Variants in MATN2 observed in about 807,000 individuals in gnomAD.
MATN2 encodes matrilin 2, also known as matrilin-2.
A neutral mutation model predicts 103.2 loss-of-function variants in MATN2; 69 were observed. That is an observed-to-expected ratio of 0.67 (90% CI 0.55 to 0.82). The LOEUF (loss-of-function observed/expected upper bound fraction) is 0.82. Among genes scored for constraint, MATN2 ranks in the 40% least tolerant of loss-of-function variants. MATN2 has a pLI of 0.00. For synonymous variants in MATN2, 429 were observed against 450.2 expected (o/e 0.95, Z 0.60); for missense variants, 1,023 against 1,211.5 (o/e 0.84, Z 2.31).
chr8:97,990,422 G>T (rs2130345100), intron 6 of MATN2, among the ~76,000 whole-genome samples: 1 of 152,272 alleles, frequency 6.6e-6, no homozygotes, highest in East Asian at 1.9e-4. Flanking sequence ...TAAATTGCTG[G>T]TGGGAATGTT....
intron 6 of MATN2, among the ~76,000 whole-genome samples, chr8:97,992,958 T>TAATAATAATAATAAC (rs1199866765): frequency 4.5e-4 from 66 of 146,030 alleles, no homozygotes; most frequent in African/African-American, 1.6e-3. Flanking sequence ...ATAATAATAA[T>TAATAATAATAATAAC]AACAACAATA....
intron 12 of MATN2, among the ~76,000 whole-genome samples, chr8:98,018,557 C>T (rs372266278): frequency 3.9e-5 from 6 of 152,238 alleles, no homozygotes; most frequent in East Asian, 1.9e-4. Context: ...AAGACATACC[C>T]GAGACTGGGC....
At chr8:98,003,290 A>AACTCCTC (rs1469119732) in intron 7 of MATN2, among the ~76,000 whole-genome samples, 1 of 151,924 alleles carries the variant, frequency 6.6e-6, no homozygotes, top group African/African-American at 2.4e-5. Flanking sequence ...TTACCTATGG[A>AACTCCTC]ACTCCTCCTC....
At chr8:97,892,947 G>A (rs1369850063) in intron 2 of MATN2, among the ~76,000 whole-genome samples, 2 of 152,202 alleles carry the variant, frequency 1.3e-5, no homozygotes, top group African/African-American at 4.8e-5. Flanking sequence ...GAGTGTGGCA[G>A]TGGGGCTCCG....
chr8:97,906,017 T>C (rs1819158143), intron 2 of MATN2, among the ~76,000 whole-genome samples: 1 of 152,212 alleles, frequency 6.6e-6, no homozygotes, highest in Admixed American at 6.5e-5. Flanking sequence ...AGTATCTTCT[T>C]GAGTTCCTGC....
intron 1 of MATN2, among the ~76,000 whole-genome samples, chr8:97,885,398 G>A (rs1301278149): frequency 1.3e-5 from 2 of 151,716 alleles, no homozygotes; most frequent in African/African-American, 4.8e-5. Flanking sequence ...GAGGATCACT[G>A]GAGTTCAGGA....
Position 97,931,639 on chromosome 8 carries a change from A to G in MATN2, c.712+117A>G, listed in dbSNP as rs528606038. ...GTACTGTGCTGGCAATAGGTTTTCAACAAAGGCCAAGATAAACACAACGTG... is the reference window on the plus strand; with the variant it reads ...GTACTGTGCTGGCAATAGGTTTTCAGCAAAGGCCAAGATAAACACAACGTG... On this transcript the variant is annotated intron_variant, in intron 3 of 18. Transcript: ENST00000254898. This position sits in a 1 kb window ranked among gnomAD's most constrained non-coding sequence, Gnocchi z 4.1. 1.2e-4 allele frequency: 120 copies of G among 980,750 alleles called. No homozygotes were observed. The South Asian group carries it at 2.0e-3, about 16-fold the overall frequency. The allele number at this position is 980,750 out of a possible 1,614,324, so 60.8% of individuals were successfully genotyped here. A position where few individuals can be genotyped will look rare whatever the true frequency, so the allele number is the denominator to read the frequency against.
At position 97,982,950 on chromosome 8, in the gene MATN2, C is replaced by A. The variant is rs1405660230; in HGVS notation, c.1081+3942C>A. On this transcript the variant is annotated intron_variant, in intron 6 of 18. Transcript: ENST00000254898. This position sits in a 1 kb window ranked among gnomAD's most constrained non-coding sequence, Gnocchi z 4.3. Reference sequence around the variant, plus strand: ...CCAGACCACACCCCCTGGCTGGGGTCACCTGATTTCCACCCAGCTGTAACT... The same window carrying A: ...CCAGACCACACCCCCTGGCTGGGGTAACCTGATTTCCACCCAGCTGTAACT... 6.6e-6 allele frequency among the ~76,000 whole-genome samples: 1 copy of A among 152,190 alleles called. No individual in the cohort carries two copies. Among genetic ancestry groups the A allele is most frequent in the Non-Finnish European group, 1.5e-5 (1 of 68,040 alleles).
At chr8:97,928,567 C>G (rs959829341) in intron 2 of MATN2, among the ~76,000 whole-genome samples, 3 of 152,116 alleles carry the variant, frequency 2.0e-5, no homozygotes, top group Non-Finnish European at 4.4e-5. Flanking sequence ...GTGGCTCAGC[C>G]CCTGGGGCTC....
intron 12 of MATN2, 162 bp from the exon 13 acceptor site, chr8:98,021,043 C>T (rs1305798987): frequency 1.5e-5 from 9 of 592,614 alleles, no homozygotes; most frequent in Non-Finnish European, 2.6e-5. Flanking sequence ...GAGCTTTTTC[C>T]CCATCCTGAG....
chr8:97,931,861 C>T lies in MATN2; in HGVS notation c.712+339C>T, dbSNP rs559330541. On this transcript the variant is annotated intron_variant, in intron 3 of 18. Coordinates refer to ENST00000254898, the MANE Select transcript of MATN2 (RefSeq NM_002380.5). The surrounding 1 kb of genome is among the most constrained non-coding windows in gnomAD (Gnocchi z 4.1). ...GGGACTACAGGTGTGCACCACCATG[C>T]CTGGCTTATTTTTTAACTATTTGTA... 1.2e-4 allele frequency among the ~76,000 whole-genome samples: 18 copies of T among 152,234 alleles called. No homozygotes were observed. The South Asian group carries it at 3.7e-3, about 32-fold the overall frequency.
chr8:97,999,261 C>T (rs1324991996), intron 7 of MATN2, among the ~76,000 whole-genome samples: 1 of 152,124 alleles, frequency 6.6e-6, no homozygotes, highest in African/African-American at 2.4e-5. Flanking sequence ...GGGTTGCTTC[C>T]ACCTTTTGAC....
At chr8:97,962,898 G>A (rs1811359315) in intron 5 of MATN2, among the ~76,000 whole-genome samples, 1 of 152,166 alleles carries the variant, frequency 6.6e-6, no homozygotes, top group African/African-American at 2.4e-5. Flanking sequence ...ACTATGGGAG[G>A]CTGAGGCGGG....
intron 2 of MATN2, among the ~76,000 whole-genome samples, chr8:97,898,786 A>C (rs1236034499): frequency 6.6e-6 from 1 of 152,062 alleles, no homozygotes; most frequent in Admixed American, 6.6e-5. Flanking sequence ...AAACTCTTTT[A>C]TCACCCAGGC....
chr8:97,985,888 A>G (rs899602377), intron 6 of MATN2, among the ~76,000 whole-genome samples: 1 of 152,110 alleles, frequency 6.6e-6, no homozygotes, highest in Non-Finnish European at 1.5e-5. Flanking sequence ...GTTTATGCCA[A>G]TTTGGAACAT....
intron 10 of MATN2, among the ~76,000 whole-genome samples, chr8:98,016,181 G>A (rs1813351204): frequency 6.6e-6 from 1 of 152,076 alleles, no homozygotes; most frequent in African/African-American, 2.4e-5. Context: ...AGGAATTCGA[G>A]ACCAGCCTGG....
intron 2 of MATN2, among the ~76,000 whole-genome samples, chr8:97,917,663 T>C (rs931162016): frequency 6.6e-6 from 1 of 152,218 alleles, no homozygotes; most frequent in Admixed American, 6.5e-5. Flanking sequence ...GCAGGGTGTA[T>C]GTGGGGGAAG....
chr8:98,032,456 T>G, intron 16 of MATN2, 139 bp downstream of exon 16: 1 of 663,192 alleles, frequency 1.5e-6, no homozygotes, highest in Non-Finnish European at 2.7e-6. Context: ...AAAAAGATAG[T>G]TAACATTTAC....
At chr8:98,014,119 A>G (rs1813277325) in intron 10 of MATN2, among the ~76,000 whole-genome samples, 1 of 152,166 alleles carries the variant, frequency 6.6e-6, no homozygotes, top group South Asian at 2.1e-4. Context: ...AAAAAAAGAA[A>G]AAAAAGAGCC....
Sources: allele counts gnomAD v4.1 joint callset (sites outside exome capture counted in the v4.1 genomes callset), GRCh38; gene constraint gnomAD v4.1.1; non-coding constraint Gnocchi (gnomAD v3.1); transcripts MANE v1.5; gene names NCBI Gene and HGNC (gene_info 2026-07-23, HGNC 2026-07-21).